RBFOX1: variants seen among roughly 807,000 people sequenced by gnomAD.
The protein encoded by RBFOX1 is RNA binding protein fox-1 homolog 1.
RBFOX1 carries 8 observed loss-of-function variants against 57.7 expected under a neutral mutation model. The ratio of observed to expected loss-of-function variants is 0.14; its 90% CI spans 0.08 to 0.25. The LOEUF (loss-of-function observed/expected upper bound fraction) is 0.25. RBFOX1 is among the 10% of genes least tolerant of loss of function. The pLI, the probability that RBFOX1 is intolerant of heterozygous loss-of-function variation, is 1.00. For synonymous variants in RBFOX1, 326 were observed against 222.4 expected (o/e 1.47, Z -4.15); for missense variants, 611 against 548.5 (o/e 1.11, Z -1.14).
intron 13 of RBFOX1, among the ~76,000 whole-genome samples, chr16:7,673,152 A>C (rs1275456227): frequency 2.6e-5 from 4 of 152,102 alleles, no homozygotes; most frequent in African/African-American, 9.7e-5. Flanking sequence ...TCTCCCTAGC[A>C]CACACAGGTT....
At position 6,499,626 on chromosome 16, in the gene RBFOX1, G is replaced by A. The variant is rs543697518; in HGVS notation, c.-63-154977G>A. 6.6e-5 allele frequency among the ~76,000 whole-genome samples: 10 copies of A among 152,170 alleles called. No homozygotes were observed. The East Asian group carries it at 7.7e-4, about 12-fold the overall frequency. ...GAATGATTCAGCTTAAAAATCAGTA[G>A]GGCATGAGGTATTTCAAGTTCTCAT... is the stretch of plus-strand genomic sequence containing the variant. On this transcript the variant is annotated intron_variant, in intron 2 of 15. Transcript: ENST00000550418.
In RBFOX1 at chr16:5,772,299, T is replaced by A. The variant is rs146252995; in HGVS notation, c.319-95004T>A. 7.3e-3 allele frequency among the ~76,000 whole-genome samples: 1,105 copies of A among 152,280 alleles called. 19 individuals carry two copies. Among genetic ancestry groups the A allele is most frequent in the African/African-American group, 0.023 (961 of 41,562 alleles). ...AAAACAGCCAGACTTACTGGCAGGCTCCCTCCATGTAGAGTCTGTACGCCG... is the reference window on the plus strand; with the variant it reads ...AAAACAGCCAGACTTACTGGCAGGCACCCTCCATGTAGAGTCTGTACGCCG... On this transcript the variant is annotated intron_variant, in intron 3 of 19. Coordinates refer to the RBFOX1 transcript ENST00000641259.
At chr16:6,271,581 C>G (rs1456521291) in intron 1 of RBFOX1, among the ~76,000 whole-genome samples, 1 of 152,124 alleles carries the variant, frequency 6.6e-6, no homozygotes, top group African/African-American at 2.4e-5. Flanking sequence ...CTGAGCAAAA[C>G]TGATAGAGAG....
chr16:5,894,770 C>T (rs1372462192), intron 4 of RBFOX1, among the ~76,000 whole-genome samples: 1 of 152,052 alleles, frequency 6.6e-6, no homozygotes, highest in Non-Finnish European at 1.5e-5. Context: ...GCCTGTAATC[C>T]CAGCACTTTG....
intron 1 of RBFOX1, among the ~76,000 whole-genome samples, chr16:5,268,505 G>A (rs1304047331): frequency 6.6e-6 from 1 of 152,210 alleles, no homozygotes; most frequent in Non-Finnish European, 1.5e-5. Context: ...CATTCATAAA[G>A]TTTAGCAGTC....
chr16:6,183,809 G>A (rs953012765), intron 1 of RBFOX1, among the ~76,000 whole-genome samples: 2 of 152,294 alleles, frequency 1.3e-5, no homozygotes, highest in African/African-American at 4.8e-5. Flanking sequence ...GTGAGTGTTA[G>A]CTGGGGTAGA....
intron 1 of RBFOX1, among the ~76,000 whole-genome samples, chr16:5,398,281 G>C (rs535146278): frequency 6.6e-6 from 1 of 151,888 alleles, no homozygotes; most frequent in East Asian, 1.9e-4. Context: ...GTGCTGGTGT[G>C]TGTGCATGTG....
At chr16:6,789,121 T>G (rs2082474541) in intron 3 of RBFOX1, among the ~76,000 whole-genome samples, 1 of 151,742 alleles carries the variant, frequency 6.6e-6, no homozygotes, top group East Asian at 2.0e-4. Context: ...CAGATTAGGA[T>G]TTTAGTGAAA....
At chr16:6,431,019 T>A (rs1016815654) in intron 2 of RBFOX1, among the ~76,000 whole-genome samples, 2 of 149,610 alleles carry the variant, frequency 1.3e-5, no homozygotes, top group Non-Finnish European at 3.0e-5. Context: ...GCACCTGTAG[T>A]CCCAGCTACT....
intron 4 of RBFOX1, among the ~76,000 whole-genome samples, chr16:7,085,263 G>GT (rs1225642341): frequency 5.9e-5 from 9 of 152,060 alleles, no homozygotes; most frequent in Non-Finnish European, 4.4e-5. Flanking sequence ...ACTGGAACAT[G>GT]TTTGTCACCT....
chr16:6,705,068 T>A (rs1345138846), intron 3 of RBFOX1: 1 of 152,092 alleles, frequency 6.6e-6, no homozygotes, highest in South Asian at 2.1e-4. Context: ...ACTAAGCAGC[T>A]TGATGGTCAG....
At chr16:6,653,860 G>A (rs1215966032) in intron 2 of RBFOX1, among the ~76,000 whole-genome samples, 1 of 151,680 alleles carries the variant, frequency 6.6e-6, no homozygotes, top group South Asian at 2.1e-4. Context: ...AGATGGGGAT[G>A]GCTGGGTGGA....
At chr16:6,510,382 C>G (rs2096229098) in intron 2 of RBFOX1, among the ~76,000 whole-genome samples, 1 of 152,148 alleles carries the variant, frequency 6.6e-6, no homozygotes, top group Admixed American at 6.6e-5. Context: ...CTCCCAGTTT[C>G]CCGATGCCGT....
intron 5 of RBFOX1, among the ~76,000 whole-genome samples, chr16:7,523,202 C>T (rs1470833908): frequency 7.9e-5 from 12 of 152,130 alleles, no homozygotes; most frequent in Non-Finnish European, 1.3e-4. Flanking sequence ...ACTGTTTCTG[C>T]ATGGATATGC....
intron 3 of RBFOX1, among the ~76,000 whole-genome samples, chr16:5,761,764 C>A (rs1389101152): frequency 6.6e-6 from 1 of 152,080 alleles, no homozygotes; most frequent in Non-Finnish European, 1.5e-5. Flanking sequence ...GGCTCTTTGG[C>A]TAAATGGGTA....
chr16:5,932,132 G>A (rs1284361843), intron 4 of RBFOX1, among the ~76,000 whole-genome samples: 1 of 152,172 alleles, frequency 6.6e-6, no homozygotes, highest in African/African-American at 2.4e-5. Context: ...TCCTAAGAGA[G>A]GAAGAATGAT....
intron 2 of RBFOX1, among the ~76,000 whole-genome samples, chr16:6,620,442 G>T (rs1270066707): frequency 6.6e-6 from 1 of 152,030 alleles, no homozygotes; most frequent in Non-Finnish European, 1.5e-5. Context: ...AAGAACTGGA[G>T]AAACAAGAGC....
intron 14 of RBFOX1, among the ~76,000 whole-genome samples, chr16:7,705,700 C>CTTGAGAGATTTGATACATGT (rs2082216085): frequency 6.6e-6 from 1 of 152,032 alleles, no homozygotes; most frequent in Non-Finnish European, 1.5e-5. Context: ...GATGGACAGA[C>CTTGAGAGATTTGATACATGT]TTGAGAGATT....
At chr16:6,892,784 CT>C (rs1567747814) in intron 3 of RBFOX1, among the ~76,000 whole-genome samples, 823 of 51,750 alleles carry the variant, frequency 0.016, 15 homozygotes, top group African/African-American at 0.043. Flanking sequence ...CCCTCTCTCT[CT>C]CTCTCTCTCT....
Sources: gnomAD v4.1 joint callset for allele counts (sites outside exome capture counted in the v4.1 genomes callset) on GRCh38, gnomAD v4.1.1 for gene constraint, MANE v1.5 for transcripts, NCBI Gene and HGNC (gene_info 2026-07-23, HGNC 2026-07-21) for gene names.